The following ACER2 variants were observed in gnomAD, a reference collection of about 807,000 sequenced individuals.
ACER2 encodes alkaline ceramidase 2, also known as alkCDase 2.
ACER2 carries 26 observed loss-of-function variants against 34.7 expected under a neutral mutation model. The observed-to-expected ratio is 0.75, with a 90% CI of 0.55 to 1.04. The LOEUF is 1.04. ACER2 is among the 50% of genes least tolerant of loss of function. ACER2 has a pLI of 0.00. For synonymous variants in ACER2, 138 were observed against 132.1 expected, an observed-to-expected ratio of 1.04 and a Z score of -0.31; for missense variants, 352 against 340.8, an observed-to-expected ratio of 1.03 and a Z score of -0.26.
intron 1 of ACER2, among the ~76,000 whole-genome samples, chr9:19,411,713 A>G (rs1244806744): frequency 6.6e-6 from 1 of 152,218 alleles, no homozygotes; most frequent in Non-Finnish European, 1.5e-5. Flanking sequence ...GAAACTCATA[A>G]TCATTACCAG....
At chr9:19,439,133 A>T (rs74671549) in intron 4 of ACER2, among the ~76,000 whole-genome samples, 10 of 152,282 alleles carry the variant, frequency 6.6e-5, no homozygotes, top group African/African-American at 2.4e-4. Context: ...AATTTGTTTC[A>T]TGCTTAAAAT....
chr9:19,418,385 G>T (rs1404048556), intron 1 of ACER2, among the ~76,000 whole-genome samples: 1 of 152,110 alleles, frequency 6.6e-6, no homozygotes, highest in Non-Finnish European at 1.5e-5. Flanking sequence ...CTACTATAAA[G>T]ACACATGCAC....
At chr9:19,434,835 A>G (rs1400805409) in intron 3 of ACER2, 112 bp from the exon 4 acceptor site, 43 of 1,405,028 alleles carry the variant, frequency 3.1e-5, no homozygotes, top group Non-Finnish European at 4.0e-5. Flanking sequence ...CTTAGCGCAG[A>G]ATTTCTTTTC....
intron 3 of ACER2, among the ~76,000 whole-genome samples, chr9:19,429,895 C>T (rs1160447034): frequency 6.6e-6 from 1 of 152,058 alleles, no homozygotes; most frequent in East Asian, 1.9e-4. Flanking sequence ...CTATCAAGGG[C>T]TGGCTGTTCT....
At chr9:19,422,011 C>T (rs80223501) in intron 1 of ACER2, among the ~76,000 whole-genome samples, 4,624 of 151,656 alleles carry the variant, frequency 0.03, 225 homozygotes, top group African/African-American at 0.1. Flanking sequence ...AGGCTGGACG[C>T]GGTGACTCAT....
At chr9:19,446,710 C>T (rs1292587008) in intron 5 of ACER2, 1 of 867,304 alleles carries the variant, frequency 1.2e-6, no homozygotes. Context: ...GAGAACTGAA[C>T]CTGTAACCTG....
rs1012627856 is a variant in ACER2 at position 19,446,122 on chromosome 9, C to T, written c.504-159C>T. ...GCCATCTGTGTACATATGGTATTTA[C>T]ATCCATGAGACTGTGGAGTGACTGT... On this transcript the variant is annotated intron_variant, in intron 4 of 5. Transcript: ENST00000340967. The T allele has an allele frequency of 3.4e-5, 35 of 1,042,606 alleles. No individual in the cohort carries two copies. In the African/African-American group the frequency reaches 3.8e-4, roughly 11 times the overall value. 64.6% of individuals were successfully genotyped at this position (1,042,606 alleles called of 1,614,324 possible).
chr9:19,412,363 A>C (rs77076669), intron 1 of ACER2, among the ~76,000 whole-genome samples: 3,437 of 152,274 alleles, frequency 0.023, 135 homozygotes, highest in African/African-American at 0.078. Context: ...TAAAATACGC[A>C]TGTATAAGGC....
At chr9:19,430,473 C>G (rs970833445) in intron 3 of ACER2, among the ~76,000 whole-genome samples, 2 of 152,158 alleles carry the variant, frequency 1.3e-5, no homozygotes, top group African/African-American at 4.8e-5. Context: ...ATTTCTAGCT[C>G]TCTTGTACCC....
chr9:19,424,533 G>A, intron 2 of ACER2, 167 bp from the exon 3 acceptor site: 18 of 985,396 alleles, frequency 1.8e-5, no homozygotes, highest in Non-Finnish European at 2.0e-5. Context: ...TAGACTGGAG[G>A]CATGCATGCT....
rs1347786020 is a variant in ACER2 at position 19,424,819 on chromosome 9, C to A, written c.343C>A (p.Pro115Thr). 1 of 1,614,094 alleles carries A rather than the reference C, an allele frequency of 6.2e-7. No individual in the cohort carries two copies. Among genetic ancestry groups the A allele is most frequent in the Non-Finnish European group, 8.5e-7 (1 of 1,180,016 alleles). Residue 115 changes from proline (P) to threonine (T), a missense_variant, in exon 3 of 6, where the codon CCA (proline) becomes ACA (threonine). Pro to Thr is a conservative substitution (Grantham distance 38, BLOSUM62 -1). Transcript: ENST00000340967. ...CATGTGGTTCCCCAGAAGGTATCTA[C>A]CAAAGATCTTTCGGAATGACCGGTA... is the stretch of plus-strand genomic sequence containing the variant. ...LAMWFPRRYL[P>T]KIFRNDRGRF...
Position 19,409,019 on chromosome 9 carries a change from G to C in ACER2, c.-66G>C. The C allele has an allele frequency of 2.9e-6, 4 of 1,376,348 alleles. No homozygotes were observed. Among genetic ancestry groups the C allele is most frequent in the Non-Finnish European group, 3.9e-6 (4 of 1,037,924 alleles). 85.3% of individuals were successfully genotyped at this position (1,376,348 alleles called of 1,614,324 possible). On this transcript the variant is annotated 5_prime_UTR_variant, in exon 1 of 6. Coordinates refer to ENST00000340967, the MANE Select transcript of ACER2 (RefSeq NM_001010887.3). ...TCGCCGCTGGCTGTCGCCGCGTTTT[G>C]CCTCCGCAGCAGCTCTGGGCTCTTC...
intron 4 of ACER2, among the ~76,000 whole-genome samples, chr9:19,436,556 G>A (rs1189261205): frequency 3.0e-5 from 1 of 33,744 alleles, no homozygotes; most frequent in Non-Finnish European, 5.1e-5. Flanking sequence ...AAAAAATCTA[G>A]CTGTATTTTT....
chr9:19,421,500 T>C (rs997196204), intron 1 of ACER2, among the ~76,000 whole-genome samples: 1 of 152,164 alleles, frequency 6.6e-6, no homozygotes, highest in Non-Finnish European at 1.5e-5. Flanking sequence ...CAAAAGGACA[T>C]ATATTGTATG....
intron 3 of ACER2, among the ~76,000 whole-genome samples, chr9:19,428,079 TTCTC>T (rs537498524): frequency 2.1e-5 from 3 of 139,818 alleles, no homozygotes; most frequent in Non-Finnish European, 3.1e-5. Context: ...TTTCCTTTCC[TTCTC>T]TCTCTCTCTC....
intron 4 of ACER2, among the ~76,000 whole-genome samples, chr9:19,445,455 A>G (rs770068521): frequency 1.3e-5 from 2 of 152,224 alleles, no homozygotes; most frequent in Non-Finnish European, 2.9e-5. Flanking sequence ...ATCACTACCT[A>G]GAAAATTAAA....
chr9:19,432,857 G>T (rs1830800998), intron 3 of ACER2, among the ~76,000 whole-genome samples: 1 of 151,064 alleles, frequency 6.6e-6, no homozygotes, highest in African/African-American at 2.4e-5. Context: ...GCCTCCCAAA[G>T]TGCTAGGATT....
At chr9:19,436,474 G>C (rs891224970) in intron 4 of ACER2, among the ~76,000 whole-genome samples, 2 of 151,986 alleles carry the variant, frequency 1.3e-5, no homozygotes, top group Non-Finnish European at 2.9e-5. Context: ...CCTGCCATTT[G>C]ATAATGACTG....
intron 4 of ACER2, among the ~76,000 whole-genome samples, chr9:19,436,287 A>T (rs143354724): frequency 1.3e-5 from 2 of 152,300 alleles, no homozygotes; most frequent in African/African-American, 4.8e-5. Flanking sequence ...TTCATTCAAG[A>T]GTCACTAATG....
Sources: allele counts gnomAD v4.1 joint callset (sites outside exome capture counted in the v4.1 genomes callset), GRCh38; gene constraint gnomAD v4.1.1; transcripts MANE v1.5; gene names NCBI Gene and HGNC (gene_info 2026-07-23, HGNC 2026-07-21).